Variants in PNPLA8 observed in about 807,000 individuals in gnomAD.
PNPLA8 encodes calcium-independent phospholipase A2-gamma.
Under a neutral mutation model 76.9 loss-of-function variants are expected in PNPLA8, and 39 were observed. The ratio of observed to expected loss-of-function variants is 0.51; its 90% CI spans 0.39 to 0.66. The LOEUF (loss-of-function observed/expected upper bound fraction) is 0.66, where lower values mean the gene tolerates loss of function less well. Ranked by LOEUF, PNPLA8 falls within the 30% of genes least tolerant of loss-of-function variation. The probability of loss-of-function intolerance (pLI) is 0.00; values close to 1 mark genes in which losing one functional copy is unlikely to be tolerated. For missense variants in PNPLA8, 887 were observed against 918.0 expected, an observed-to-expected ratio of 0.97 and a Z score of 0.44; for synonymous variants, 301 against 307.9, an observed-to-expected ratio of 0.98 and a Z score of 0.24.
At chr7:108,519,667 T>A (rs186214111) in intron 2 of PNPLA8, among the ~76,000 whole-genome samples, 56 of 152,192 alleles carry the variant, frequency 3.7e-4, no homozygotes, top group Admixed American at 1.2e-3. Context: ...GCCCAGGGAA[T>A]TCTACCACAA....
intron 4 of PNPLA8, among the ~76,000 whole-genome samples, chr7:108,513,052 T>C (rs2154516591): frequency 6.6e-6 from 1 of 152,166 alleles, no homozygotes. Flanking sequence ...AGACATCAAA[T>C]TGTTGGTGCC....
chr7:108,480,953 G>T (rs1034616506), intron 9 of PNPLA8, among the ~76,000 whole-genome samples: 21 of 150,578 alleles, frequency 1.4e-4, no homozygotes, highest in African/African-American at 5.2e-4. Context: ...TACTAAGGAG[G>T]TCATAGAAAT....
At chr7:108,493,853 A>G (rs1345464914) in intron 7 of PNPLA8, among the ~76,000 whole-genome samples, 1 of 152,142 alleles carries the variant, frequency 6.6e-6, no homozygotes, top group Admixed American at 6.5e-5. Context: ...TGTGTAAAAG[A>G]ATAATGAGAA....
chr7:108,496,356 T>A (rs1350211163), intron 7 of PNPLA8: 3 of 344,204 alleles, frequency 8.7e-6, no homozygotes, highest in African/African-American at 6.4e-5. Flanking sequence ...CAATTGCAAC[T>A]TTTACATGCA....
chr7:108,523,873 G>A (rs1436124066), intron 1 of PNPLA8, among the ~76,000 whole-genome samples: 6 of 152,168 alleles, frequency 3.9e-5, no homozygotes, highest in Admixed American at 1.3e-4. Flanking sequence ...GGAAAAAAGA[G>A]AAAACAACAA....
rs376656732 is a variant in PNPLA8, at chr7:108,496,750, T to A, written c.1459A>T (p.Ile487Leu). The A allele has an allele frequency of 6.2e-7, 1 of 1,608,118 alleles. No homozygotes were observed. Among genetic ancestry groups the A allele is most frequent in the Admixed American group, 1.7e-5 (1 of 58,938 alleles). ...AACAACCCCAACATGAAAGCTAATA[T>A]GGCACCTGGAAAAAAGAATCCTTAG... ...DYICGVSTGA[I>L]LAFMLGLFHM... The change falls in exon 7 of 11, where the codon ATA becomes TTA. Residue 487 changes from isoleucine (I) to leucine (L), a missense_variant. Coordinates refer to ENST00000257694, the MANE Select transcript of PNPLA8 (RefSeq NM_001256007.3).
chr7:108,527,758 T>G (rs900976973), upstream of PNPLA8: 1 of 152,180 alleles, frequency 6.6e-6, no homozygotes, highest in Non-Finnish European at 1.5e-5. Context: ...TTATCAAGGC[T>G]AGGAGATACT....
intron 9 of PNPLA8, among the ~76,000 whole-genome samples, chr7:108,484,168 C>G (rs1001449329): frequency 2.0e-5 from 3 of 152,152 alleles, no homozygotes; most frequent in African/African-American, 7.2e-5. Context: ...GTTGTGCTAA[C>G]CATTTTTCAA....
chr7:108,503,409 G>C (rs1254911702), intron 4 of PNPLA8, among the ~76,000 whole-genome samples: 2 of 152,090 alleles, frequency 1.3e-5, no homozygotes, highest in East Asian at 1.9e-4. Flanking sequence ...CACTCATTTT[G>C]TTTCTTTTTT....
intron 4 of PNPLA8, 87 bp downstream of exon 4, chr7:108,514,057 A>C: frequency 1.1e-6 from 1 of 898,526 alleles, no homozygotes; most frequent in Non-Finnish European, 1.7e-6. Flanking sequence ...TCAAATGGAA[A>C]AATGAAAGGC....
intron 4 of PNPLA8, among the ~76,000 whole-genome samples, chr7:108,508,853 G>A (rs1862658719): frequency 7.0e-6 from 1 of 143,504 alleles, no homozygotes; most frequent in Admixed American, 7.0e-5. Context: ...ACAGAACAGA[G>A]CCCTCAGAAA....
chr7:108,503,314 G>A (rs1206446514), intron 4 of PNPLA8, among the ~76,000 whole-genome samples: 1 of 152,188 alleles, frequency 6.6e-6, no homozygotes, highest in Admixed American at 6.5e-5. Flanking sequence ...TACATAGTCA[G>A]TACCGCAGGT....
chr7:108,487,687 A>G, intron 9 of PNPLA8, 72 bp downstream of exon 9: 1 of 861,372 alleles, frequency 1.2e-6, no homozygotes. Flanking sequence ...CTGAAGATCA[A>G]TGACATTTAA....
At chr7:108,523,335 A>G (rs1256821070) in intron 1 of PNPLA8, among the ~76,000 whole-genome samples, 1 of 152,222 alleles carries the variant, frequency 6.6e-6, no homozygotes, top group African/African-American at 2.4e-5. Context: ...CCTGGTGGCC[A>G]TCGAGCAGAC....
intron 5 of PNPLA8, among the ~76,000 whole-genome samples, chr7:108,500,464 G>T (rs1365779497): frequency 6.6e-6 from 1 of 152,100 alleles, no homozygotes; most frequent in East Asian, 1.9e-4. Context: ...CTTCTGTATG[G>T]ATATAATCTT....
rs566608907 is a variant in PNPLA8, at chr7:108,475,901, T to C, written c.2075-3226A>G. Among the ~76,000 whole-genome samples, 20 of 152,328 alleles carry C rather than the reference T, an allele frequency of 1.3e-4. No individual in the cohort carries two copies. The East Asian group carries it at 3.9e-3, about 29-fold the overall frequency. ...TAGTTGTTTAAGGTAAGAGGAAATA[T>C]CTGGTCCCTAATAGTTTATGATGTC... is the stretch of plus-strand genomic sequence containing the variant. On this transcript the variant is annotated intron_variant, in intron 10 of 10. Coordinates refer to ENST00000257694, the MANE Select transcript of PNPLA8 (RefSeq NM_001256007.3).
chr7:108,513,823 A>G (rs1863105707), intron 4 of PNPLA8, among the ~76,000 whole-genome samples: 1 of 152,214 alleles, frequency 6.6e-6, no homozygotes, highest in Admixed American at 6.5e-5. Flanking sequence ...TCTTAAAAGA[A>G]CAGTTACATA....
intron 9 of PNPLA8, among the ~76,000 whole-genome samples, chr7:108,483,808 C>T (rs1216155509): frequency 6.6e-6 from 1 of 152,162 alleles, no homozygotes; most frequent in Admixed American, 6.5e-5. Context: ...TAAAGGCCTT[C>T]TCAAGTACAA....
upstream of PNPLA8, chr7:108,526,213 G>T (rs1029105552): frequency 2.1e-6 from 1 of 484,816 alleles, no homozygotes; most frequent in Non-Finnish European, 2.7e-6. Flanking sequence ...AGAAGTTTGG[G>T]TCTACCCGCG....
Sources: gnomAD v4.1 joint callset for allele counts (sites outside exome capture counted in the v4.1 genomes callset) on GRCh38, gnomAD v4.1.1 for gene constraint, MANE v1.5 for transcripts, NCBI Gene and HGNC (gene_info 2026-07-23, HGNC 2026-07-21) for gene names.